Variants in DAB1 observed in about 807,000 individuals in gnomAD.
DAB1 encodes disabled homolog 1.
DAB1 carries 15 observed loss-of-function variants against 64.6 expected under a neutral mutation model. The ratio of observed to expected loss-of-function variants is 0.23; its 90% CI spans 0.16 to 0.36. DAB1 has a LOEUF of 0.36. DAB1 is among the 10% of genes least tolerant of loss of function. The pLI is 1.00. For missense variants in DAB1, 596 were observed against 706.7 expected, an observed-to-expected ratio of 0.84 and a Z score of 1.78; for synonymous variants, 235 against 251.9, an observed-to-expected ratio of 0.93 and a Z score of 0.64.
intron 2 of DAB1, among the ~76,000 whole-genome samples, chr1:57,157,718 C>T (rs534384888): frequency 6.6e-6 from 1 of 152,300 alleles, no homozygotes; most frequent in South Asian, 2.1e-4. Flanking sequence ...AATATTATTA[C>T]ATTGGGAGTT....
chr1:57,065,999 C>T (rs1341049015), intron 8 of DAB1, among the ~76,000 whole-genome samples: 1 of 152,192 alleles, frequency 6.6e-6, no homozygotes, highest in Non-Finnish European at 1.5e-5. Context: ...AAAAACAGCA[C>T]ATTCCGTACT....
At chr1:57,384,311 A>C (rs900171904) in intron 1 of DAB1, among the ~76,000 whole-genome samples, 2 of 152,202 alleles carry the variant, frequency 1.3e-5, no homozygotes, top group African/African-American at 2.4e-5. Flanking sequence ...CACTGGTGGG[A>C]AAGTTAAATG....
intron 3 of DAB1, among the ~76,000 whole-genome samples, chr1:58,380,374 T>C (rs1215808706): frequency 6.6e-6 from 1 of 152,204 alleles, no homozygotes; most frequent in Non-Finnish European, 1.5e-5. Context: ...TCCATCACGA[T>C]TGTAAGTTTC....
intron 1 of DAB1, among the ~76,000 whole-genome samples, chr1:57,831,103 C>T (rs532206570): frequency 3.9e-4 from 60 of 152,120 alleles, no homozygotes; most frequent in African/African-American, 1.4e-3. Context: ...TTAGTATAGA[C>T]GGGGTTTCAC....
At chr1:57,594,501 A>T (rs896755797) in intron 7 of DAB1, among the ~76,000 whole-genome samples, 4 of 152,282 alleles carry the variant, frequency 2.6e-5, no homozygotes, top group Admixed American at 2.6e-4. Context: ...CAGCAAGGTC[A>T]TAAATCTCTT....
At position 58,485,716 on chromosome 1, in the gene DAB1, G is replaced by A. The variant is rs192673389; in HGVS notation, n.257+20344C>T. On this transcript the variant is annotated intron_variant and non_coding_transcript_variant, in intron 3 of 20. Coordinates refer to the DAB1 transcript ENST00000485760. ...AATATATCTTCATCTCTTCAAAAGTGAGCAAAATTTTCCTACCATATAGCT... is the reference window on the plus strand; with the variant it reads ...AATATATCTTCATCTCTTCAAAAGTAAGCAAAATTTTCCTACCATATAGCT... Among the ~76,000 whole-genome samples, 14 of 151,838 alleles carry A rather than the reference G, an allele frequency of 9.2e-5. No individual in the cohort carries two copies. In the East Asian group the frequency reaches 2.5e-3, roughly 27 times the overall value.
At chr1:57,129,310 T>A (rs541605440) in intron 4 of DAB1, among the ~76,000 whole-genome samples, 1 of 152,260 alleles carries the variant, frequency 6.6e-6, no homozygotes, top group African/African-American at 2.4e-5. Flanking sequence ...ATATGTTGAT[T>A]TGGGCTACGA....
intron 4 of DAB1, among the ~76,000 whole-genome samples, chr1:58,166,473 A>G (rs1456932053): frequency 6.6e-6 from 1 of 152,156 alleles, no homozygotes; most frequent in Non-Finnish European, 1.5e-5. Context: ...TCAACATTTC[A>G]GTATTATTAG....
intron 7 of DAB1, among the ~76,000 whole-genome samples, chr1:57,434,596 G>T (rs1198437761): frequency 6.6e-6 from 1 of 152,182 alleles, no homozygotes; most frequent in Admixed American, 6.5e-5. Flanking sequence ...TAACGACAGG[G>T]ATATGCTCTG....
At chr1:58,344,602 A>G (rs908524554) in intron 3 of DAB1, among the ~76,000 whole-genome samples, 1 of 152,196 alleles carries the variant, frequency 6.6e-6, no homozygotes, top group Non-Finnish European at 1.5e-5. Context: ...TAATCCGAAA[A>G]GCCCCTTCTG....
At chr1:58,143,374 A>G (rs1453159926) in intron 5 of DAB1, among the ~76,000 whole-genome samples, 1 of 152,196 alleles carries the variant, frequency 6.6e-6, no homozygotes, top group Non-Finnish European at 1.5e-5. Context: ...TGCATCTTAA[A>G]CCAATATAAA....
chr1:57,805,239 A>G (rs1257686979), intron 6 of DAB1, among the ~76,000 whole-genome samples: 4 of 152,222 alleles, frequency 2.6e-5, no homozygotes, highest in African/African-American at 9.6e-5. Context: ...CGCAAGAGGC[A>G]TGGACTTTCC....
At chr1:58,454,302 A>G (rs948042098) in intron 3 of DAB1, among the ~76,000 whole-genome samples, 1 of 152,162 alleles carries the variant, frequency 6.6e-6, no homozygotes, top group African/African-American at 2.4e-5. Context: ...TGCAAAGTCA[A>G]GACTACACGT....
At chr1:57,997,490 G>C (rs768586172) in intron 5 of DAB1, among the ~76,000 whole-genome samples, 10 of 152,060 alleles carry the variant, frequency 6.6e-5, no homozygotes, top group Non-Finnish European at 1.3e-4. Flanking sequence ...AACTTGTCTT[G>C]GTCCCTCCCT....
intron 3 of DAB1, among the ~76,000 whole-genome samples, chr1:58,396,732 G>A (rs1156594435): frequency 1.3e-5 from 2 of 152,102 alleles, no homozygotes; most frequent in African/African-American, 2.4e-5. Flanking sequence ...GACAGAAATA[G>A]GCAGAAACAA....
rs191046777 is a variant in DAB1 at position 57,744,009 on chromosome 1, C to T, written n.552-94344G>A. 2.6e-3 allele frequency among the ~76,000 whole-genome samples: 392 copies of T among 152,330 alleles called. 1 individual carries two copies. Among genetic ancestry groups the T allele is most frequent in the Non-Finnish European group, 3.1e-3 (214 of 68,032 alleles). On this transcript the variant is annotated intron_variant and non_coding_transcript_variant, in intron 6 of 20. Transcript: ENST00000485760. Reference sequence around the variant, plus strand: ...CCTTTAAGCAGTTTTCCGCCCTGGGCGGGCCAGGTGTTCCTTGCCCTCATT... The same window carrying T: ...CCTTTAAGCAGTTTTCCGCCCTGGGTGGGCCAGGTGTTCCTTGCCCTCATT...
chr1:58,053,330 C>T (rs2100533118), intron 5 of DAB1, among the ~76,000 whole-genome samples: 1 of 152,294 alleles, frequency 6.6e-6, no homozygotes, highest in South Asian at 2.1e-4. Context: ...TATTGGGCAT[C>T]TGGTGGTCTC....
At chr1:57,653,633 G>A (rs1646282124) in intron 6 of DAB1, among the ~76,000 whole-genome samples, 1 of 151,466 alleles carries the variant, frequency 6.6e-6, no homozygotes, top group Admixed American at 6.6e-5. Context: ...TTTTTTTTGA[G>A]ATGGAGTCTC....
intron 7 of DAB1, among the ~76,000 whole-genome samples, chr1:57,580,273 C>A (rs1645297673): frequency 6.6e-6 from 1 of 152,140 alleles, no homozygotes; most frequent in Non-Finnish European, 1.5e-5. Context: ...ACAAAAACCA[C>A]AACAATAAGG....
Sources: allele counts gnomAD v4.1 joint callset (sites outside exome capture counted in the v4.1 genomes callset), GRCh38; gene constraint gnomAD v4.1.1; transcripts MANE v1.5; gene names NCBI Gene and HGNC (gene_info 2026-07-23, HGNC 2026-07-21).